The following ABCB10 variants were observed in gnomAD, a reference collection of about 807,000 sequenced individuals.
The protein encoded by ABCB10 is ATP binding cassette subfamily B member 10.
A neutral mutation model predicts 65.4 loss-of-function variants in ABCB10; 54 were observed. The ratio of observed to expected loss-of-function variants is 0.83; its 90% CI spans 0.66 to 1.04. The LOEUF (loss-of-function observed/expected upper bound fraction) is 1.04. Among genes scored for constraint, ABCB10 ranks in the 50% least tolerant of loss-of-function variants. The pLI is 0.00. For synonymous variants in ABCB10, 418 were observed against 406.5 expected (o/e 1.03, Z -0.34); for missense variants, 846 against 976.6 (o/e 0.87, Z 1.78).
chr1:229,537,788 T>A (rs1274477531), intron 6 of ABCB10, among the ~76,000 whole-genome samples: 2 of 151,976 alleles, frequency 1.3e-5, no homozygotes, highest in Non-Finnish European at 2.9e-5. Context: ...AGACTCCATC[T>A]CCAAATAAAT....
chr1:229,553,488 G>A (rs1418746256), intron 1 of ABCB10, among the ~76,000 whole-genome samples: 1 of 152,144 alleles, frequency 6.6e-6, no homozygotes, highest in Non-Finnish European at 1.5e-5. Context: ...AGTGCCCTAG[G>A]TGAGAAGCAA....
rs138740992 is a variant in ABCB10, at chr1:229,531,661, C to T, written c.1410G>A (p.Glu470=). The T allele has an allele frequency of 1.7e-5, 27 of 1,613,928 alleles. No homozygotes were observed. Among genetic ancestry groups the T allele is most frequent in the Non-Finnish European group, 2.1e-5 (25 of 1,179,866 alleles). ...CGTTAAAAGGCAGCTTGGGCTCTCT[C>T]TCCAGGAGCTCCCAGAGGCGCCCCC... ...GAGGRLWELL[E]REPKLPFNEG... is the part of the protein sequence containing the mutation. Residue 470 remains glutamate, a synonymous_variant, in exon 7 of 13, where the codon GAG becomes GAA. Transcript: ENST00000344517.
At chr1:229,524,576 T>A (rs998498949) in intron 10 of ABCB10, among the ~76,000 whole-genome samples, 46 of 149,504 alleles carry the variant, frequency 3.1e-4, no homozygotes, top group African/African-American at 9.9e-4. Flanking sequence ...TTCTGCACTT[T>A]AAAGAAATAC....
chr1:229,555,281 A>C (rs957429997), intron 1 of ABCB10, among the ~76,000 whole-genome samples: 6 of 152,206 alleles, frequency 3.9e-5, no homozygotes, highest in African/African-American at 4.8e-5. Flanking sequence ...GTTCTGATGA[A>C]GTGTCGCTTA....
rs377159208 is a variant in ABCB10 at position 229,518,253 on chromosome 1, G to C, written c.2143C>G (p.His715Asp). Residue 715 changes from histidine (H) to aspartate (D), a missense_variant, in exon 13 of 13, where the codon CAT (histidine) becomes GAT (aspartate). His to Asp is a moderately conservative substitution (Grantham distance 81). This residue lies in a region of ABCB10 where 632 missense variants were observed against 803.2 expected (regional missense o/e 0.79). Transcript: ENST00000344517. ...DQGKITEYGKHEELLSKPNGI... is the reference protein window; with the variant it reads ...DQGKITEYGKDEELLSKPNGI... ...TTTGGTTTTGAAAGCAGCTCTTCAT[G>C]TTTTCCATATTCAGTAATTTTTCCT... 5.0e-6 allele frequency: 8 copies of C among 1,613,998 alleles called. No individual in the cohort carries two copies. The African/African-American group carries it at 9.3e-5, about 19-fold the overall frequency.
chr1:229,550,525 C>CAAAAAAAAAAAAAAAAAAAAAAA (rs60323914), intron 1 of ABCB10, among the ~76,000 whole-genome samples: 3 of 63,540 alleles, frequency 4.7e-5, no homozygotes, highest in African/African-American at 2.2e-4. Context: ...ATGCTGTCTC[C>CAAAAAAAAAAAAAAAAAAAAAAA]AAAAAAAAAA....
At chr1:229,521,506 G>T in intron 11 of ABCB10, 86 bp downstream of exon 11, 1 of 1,401,928 alleles carries the variant, frequency 7.1e-7, no homozygotes, top group Non-Finnish European at 9.7e-7. Flanking sequence ...GGAAAAGGAA[G>T]AAGACAAATA....
Position 229,539,597 on chromosome 1 carries a change from G to T in ABCB10, c.1204-6C>A. 1 of 1,611,524 alleles carries T rather than the reference G, an allele frequency of 6.2e-7. No homozygotes were observed. Among genetic ancestry groups the T allele is most frequent in the Non-Finnish European group, 8.5e-7 (1 of 1,179,240 alleles). On this transcript the variant is annotated splice_polypyrimidine_tract_variant and splice_region_variant and intron_variant, in intron 5 of 12. Transcript: ENST00000344517. ...AGGTTTCCGGAGAGCCCAGTCTGTC[G>T]AATGAAGAAAACACAGAAGTCAGGT... is the stretch of plus-strand genomic sequence containing the variant.
At chr1:229,535,214 A>G (rs1474241347) in intron 6 of ABCB10, 1 of 152,092 alleles carries the variant, frequency 6.6e-6, no homozygotes, top group Admixed American at 6.6e-5. Context: ...CATCCAATCA[A>G]GCGGTTATAC....
Position 229,525,934 on chromosome 1 carries a change from A to C in ABCB10, c.1906+2T>G. ...TTGCTACAAAGCAGTAAAGAAATGC[A>C]CCTGAGAGGAGAACACCCTTTTCTC... On this transcript the variant is annotated splice_donor_variant, in intron 10 of 12. Coordinates refer to ENST00000344517, the MANE Select transcript of ABCB10 (RefSeq NM_012089.3). LOFTEE classifies it high-confidence loss of function. 6.2e-7 allele frequency: 1 copy of C among 1,606,738 alleles called. No homozygotes were observed. The highest frequency in any genetic ancestry group is 1.1e-5 in the South Asian group (1 of 89,756).
Position 229,527,221 on chromosome 1 carries a change from C to T in ABCB10, c.1725+8G>A, listed in dbSNP as rs1662466385. On this transcript the variant is annotated splice_region_variant and intron_variant, in intron 9 of 12. Transcript: ENST00000344517. Reference sequence around the variant, plus strand: ...AAGTGAAATAGAAATGGAAGCCTCTCTTCTTACCTGACTCACTGTCCCAAT... The same window carrying T: ...AAGTGAAATAGAAATGGAAGCCTCTTTTCTTACCTGACTCACTGTCCCAAT... 1 of 1,611,150 alleles carries T rather than the reference C, an allele frequency of 6.2e-7. No individual in the cohort carries two copies. Among genetic ancestry groups the T allele is most frequent in the Non-Finnish European group, 8.5e-7 (1 of 1,177,996 alleles).
intron 6 of ABCB10, among the ~76,000 whole-genome samples, chr1:229,533,894 T>C (rs1483391826): frequency 6.6e-6 from 1 of 152,076 alleles, no homozygotes; most frequent in Non-Finnish European, 1.5e-5. Flanking sequence ...TTAGATACAA[T>C]ACCAAAGGTA....
chr1:229,546,874 A>T (rs1343128555), intron 3 of ABCB10, among the ~76,000 whole-genome samples: 1 of 152,120 alleles, frequency 6.6e-6, no homozygotes, highest in Non-Finnish European at 1.5e-5. Context: ...ACAGAGTGAG[A>T]CTGTCTCTAA....
chr1:229,552,867 A>G (rs1663149879), intron 1 of ABCB10, among the ~76,000 whole-genome samples: 1 of 152,080 alleles, frequency 6.6e-6, no homozygotes, highest in Admixed American at 6.5e-5. Flanking sequence ...ACATCACAGA[A>G]CCACATTCTG....
At chr1:229,520,704 T>C (rs146913266) in intron 11 of ABCB10, among the ~76,000 whole-genome samples, 7 of 152,346 alleles carry the variant, frequency 4.6e-5, no homozygotes, top group Non-Finnish European at 7.3e-5. Flanking sequence ...CCATCCATAC[T>C]ACTTAACAGT....
chr1:229,528,578 T>A (rs1480339493), intron 8 of ABCB10, among the ~76,000 whole-genome samples: 1 of 152,210 alleles, frequency 6.6e-6, no homozygotes, highest in African/African-American at 2.4e-5. Flanking sequence ...GGTGATTCCA[T>A]GGGTCAGGAT....
intron 3 of ABCB10, among the ~76,000 whole-genome samples, chr1:229,542,803 A>G (rs1475713829): frequency 2.6e-5 from 4 of 151,952 alleles, no homozygotes; most frequent in African/African-American, 9.7e-5. Context: ...AACACGTCCC[A>G]TCAAAATGAC....
At chr1:229,527,194 GAA>G in intron 9 of ABCB10, 33 bp downstream of exon 9, 1 of 1,492,076 alleles carries the variant, frequency 6.7e-7, no homozygotes. Flanking sequence ...AATTTTAAAA[GAA>G]AGTGAAATAG....
chr1:229,518,745 G>C, intron 12 of ABCB10, 96 bp downstream of exon 12: 3 of 1,090,900 alleles, frequency 2.8e-6, no homozygotes, highest in Non-Finnish European at 4.0e-6. Flanking sequence ...AGGATTTTCA[G>C]TTGTATCACT....
Sources: gnomAD v4.1 joint callset for allele counts (sites outside exome capture counted in the v4.1 genomes callset) on GRCh38, gnomAD v4.1.1 for gene constraint, gnomAD v4.1.1 regional missense constraint, MANE v1.5 for transcripts, NCBI Gene and HGNC (gene_info 2026-07-23, HGNC 2026-07-21) for gene names.